Variants in RIPK1 observed in about 807,000 individuals in gnomAD.
RIPK1 encodes the protein receptor interacting serine/threonine kinase 1, also known as receptor-interacting serine/threonine-protein kinase 1.
Under a neutral mutation model 62.4 loss-of-function variants are expected in RIPK1, and 27 were observed. The observed-to-expected ratio is 0.43, with a 90% CI of 0.32 to 0.60. RIPK1 has a LOEUF of 0.60. Among genes scored for constraint, RIPK1 ranks in the 20% least tolerant of loss-of-function variants. The pLI is 0.07. For synonymous variants in RIPK1, 287 were observed against 303.2 expected (o/e 0.95, Z 0.55); for missense variants, 735 against 831.0 (o/e 0.88, Z 1.42).
intron 1 of RIPK1, 21 bp downstream of exon 1, chr6:3,068,682 C>T (rs1171502542): frequency 2.0e-6 from 2 of 984,766 alleles, no homozygotes; most frequent in East Asian, 1.1e-4. Context: ...TGGCACCGCG[C>T]GGGGAACATT....
chr6:3,112,398 G>A (rs1428594209), intron 10 of RIPK1, among the ~76,000 whole-genome samples: 3 of 152,152 alleles, frequency 2.0e-5, no homozygotes, highest in Non-Finnish European at 2.9e-5. Context: ...CACCCAGGAA[G>A]GTCTAATACC....
At chr6:3,112,429 T>C (rs1334577532) in intron 10 of RIPK1, among the ~76,000 whole-genome samples, 1 of 152,214 alleles carries the variant, frequency 6.6e-6, no homozygotes, top group Non-Finnish European at 1.5e-5. Flanking sequence ...CTGGCTAAGA[T>C]TGACTAGAAC....
intron 1 of RIPK1, among the ~76,000 whole-genome samples, chr6:3,073,825 A>G (rs1306934028): frequency 6.6e-6 from 1 of 151,550 alleles, no homozygotes; most frequent in African/African-American, 2.4e-5. Context: ...TCATTTTTTA[A>G]CTCCCTGCCC....
chr6:3,070,603 A>G (rs1337325969), intron 1 of RIPK1, among the ~76,000 whole-genome samples: 3 of 150,890 alleles, frequency 2.0e-5, no homozygotes, highest in African/African-American at 7.4e-5. Flanking sequence ...ATGCCTGGCT[A>G]ATTTTTGTAT....
chr6:3,064,634 G>A (rs181093313), upstream of RIPK1, among the ~76,000 whole-genome samples: 632 of 152,304 alleles, frequency 4.1e-3, 4 homozygotes, highest in African/African-American at 0.015. Context: ...TCGGGAGGAA[G>A]GGTCGTGCTG....
chr6:3,074,923 G>A (rs759512625), intron 1 of RIPK1, among the ~76,000 whole-genome samples: 42 of 152,016 alleles, frequency 2.8e-4, no homozygotes, highest in Admixed American at 2.8e-3. Context: ...CTCGTGATCC[G>A]CCCGCCTCAG....
At chr6:3,071,029 T>C (rs1561742480) in intron 1 of RIPK1, among the ~76,000 whole-genome samples, 1 of 152,254 alleles carries the variant, frequency 6.6e-6, no homozygotes, top group Non-Finnish European at 1.5e-5. Flanking sequence ...GGGGTTATGA[T>C]GCTTGTTTAA....
At position 3,094,091 on chromosome 6, in the gene RIPK1, T is replaced by C. The variant is rs13195111; in HGVS notation, c.915+4434T>C. ...TAGTAACTGCAGCGCGCCTACCTCCTGCACCTAGTAACTGCAGAGTACCTA... is the reference window on the plus strand; with the variant it reads ...TAGTAACTGCAGCGCGCCTACCTCCCGCACCTAGTAACTGCAGAGTACCTA... On this transcript the variant is annotated intron_variant, in intron 7 of 10. Transcript: ENST00000259808. Among the ~76,000 whole-genome samples, 196 of 105,976 alleles carry C rather than the reference T, an allele frequency of 1.8e-3. 9 individuals carry two copies. The highest frequency in any genetic ancestry group is 3.7e-3 in the African/African-American group (78 of 20,814). The allele number at this position is 105,976 out of a possible 152,430, so 69.5% of individuals were successfully genotyped here.
intron 5 of RIPK1, among the ~76,000 whole-genome samples, chr6:3,084,404 C>G (rs1057250261): frequency 6.6e-6 from 1 of 152,144 alleles, no homozygotes; most frequent in Non-Finnish European, 1.5e-5. Context: ...TGCAGTTACA[C>G]TGAGGAATTT....
At position 3,100,103 on chromosome 6, in the gene RIPK1, A is replaced by T. The variant is rs76846552; in HGVS notation, c.916-4122A>T. Among the ~76,000 whole-genome samples, 800 of 152,316 alleles carry T rather than the reference A, an allele frequency of 5.3e-3. 7 individuals carry two copies. The highest frequency in any genetic ancestry group is 0.019 in the African/African-American group (783 of 41,566). On this transcript the variant is annotated intron_variant, in intron 7 of 10. Coordinates refer to ENST00000259808, the MANE Select transcript of RIPK1 (RefSeq NM_001354930.2). ...AAATAAGTCACAAAACAATACTTAC[A>T]GTGTGGTCCTTTTAATGTTAAAGAT...
At chr6:3,074,883 T>C (rs1758967930) in intron 1 of RIPK1, among the ~76,000 whole-genome samples, 1 of 152,192 alleles carries the variant, frequency 6.6e-6, no homozygotes, top group African/African-American at 2.4e-5. Context: ...GGTTTCACCA[T>C]GTTGGCCAGG....
chr6:3,087,746 A>C (rs866051670), intron 6 of RIPK1, among the ~76,000 whole-genome samples: 2 of 151,562 alleles, frequency 1.3e-5, no homozygotes, highest in Admixed American at 6.6e-5. Flanking sequence ...TCACCGTGTT[A>C]GCCAGGATGG....
rs1760785329 is a variant in RIPK1, at chr6:3,105,339, A to C, written c.1007-143A>C. On this transcript the variant is annotated intron_variant, in intron 8 of 10. Transcript: ENST00000259808. This position sits in a 1 kb window ranked among gnomAD's most constrained non-coding sequence, Gnocchi z 4.5. ...TATTTGTAAAGCTTGTGGGAAGAGG[A>C]CCATCTCCTAAATGCTTTGGACTGG... The C allele has an allele frequency of 1.6e-6, 1 of 621,080 alleles. No individual in the cohort carries two copies. The highest frequency in any genetic ancestry group is 2.8e-6 in the Non-Finnish European group (1 of 354,240). The allele number at this position is 621,080 out of a possible 1,614,324, so 38.5% of individuals were successfully genotyped here. A position where few individuals can be genotyped will look rare whatever the true frequency, so the allele number is the denominator to read the frequency against.
chr6:3,071,573 C>T (rs1046223364), intron 1 of RIPK1, among the ~76,000 whole-genome samples: 1 of 152,166 alleles, frequency 6.6e-6, no homozygotes, highest in African/African-American at 2.4e-5. Context: ...TTTGTATATC[C>T]TTCAACTACT....
chr6:3,078,673 T>C (rs1009076848), intron 3 of RIPK1, among the ~76,000 whole-genome samples: 2 of 152,224 alleles, frequency 1.3e-5, no homozygotes, highest in African/African-American at 4.8e-5. Flanking sequence ...TTTGATACCA[T>C]TCAACAAAGT....
chr6:3,075,134 C>T (rs765538295), intron 1 of RIPK1, among the ~76,000 whole-genome samples: 1 of 152,194 alleles, frequency 6.6e-6, no homozygotes, highest in Non-Finnish European at 1.5e-5. Flanking sequence ...TTTTTGCCAG[C>T]CCTTTTCCCA....
chr6:3,079,903 T>C (rs967321097), intron 3 of RIPK1, among the ~76,000 whole-genome samples: 25 of 152,148 alleles, frequency 1.6e-4, no homozygotes, highest in Middle Eastern at 3.2e-3. Context: ...AGAGAAATCA[T>C]TGGGGACATG....
rs1448385780 is a variant in RIPK1, at chr6:3,072,462, G to A, written c.-61+3801G>A. Among the ~76,000 whole-genome samples, 1 of 151,958 alleles carries A rather than the reference G, an allele frequency of 6.6e-6. No individual in the cohort carries two copies. On this transcript the variant is annotated intron_variant, in intron 1 of 10. Transcript: ENST00000259808. This position sits in a 1 kb window ranked among gnomAD's most constrained non-coding sequence, Gnocchi z 5.6. ...AGATTTATTCGTCAAAAACAATTTT[G>A]AATGGCTATATAATATTCTGTTAGG... is the stretch of plus-strand genomic sequence containing the variant.
chr6:3,068,306 G>A, upstream of RIPK1: 1 of 985,514 alleles, frequency 1.0e-6, no homozygotes, highest in Non-Finnish European at 1.2e-6. Flanking sequence ...TCGTGCGCGC[G>A]GAGGTTTCGG....
Sources: allele counts gnomAD v4.1 joint callset (sites outside exome capture counted in the v4.1 genomes callset), GRCh38; gene constraint gnomAD v4.1.1; non-coding constraint Gnocchi (gnomAD v3.1); transcripts MANE v1.5; gene names NCBI Gene and HGNC (gene_info 2026-07-23, HGNC 2026-07-21).